ATG9A: variants seen among roughly 807,000 people sequenced by gnomAD.
ATG9A encodes autophagy related 9A, also known as autophagy-related protein 9A.
Under a neutral mutation model 87.1 loss-of-function variants are expected in ATG9A, and 21 were observed. That is an observed-to-expected ratio of 0.24 (90% confidence interval 0.17 to 0.35). The LOEUF is 0.35. Ranked by LOEUF, ATG9A falls within the 10% of genes least tolerant of loss-of-function variation. The pLI is 1.00. For synonymous variants in ATG9A, 422 were observed against 441.3 expected (o/e 0.96, Z 0.55); for missense variants, 836 against 1,107.3 (o/e 0.76, Z 3.48).
chr2:219,220,797 G>A lies in ATG9A; in HGVS notation c.2464C>T (p.Pro822Ser). The A allele has an allele frequency of 1.2e-6, 2 of 1,613,424 alleles. No individual in the cohort carries two copies. The highest frequency in any genetic ancestry group is 8.5e-7 in the Non-Finnish European group (1 of 1,179,988). ...DGQSASRHPE[P>S]VPEEGSEDEL... ...TCCTCCGAGCCCTCTTCGGGCACGG[G>A]CTCAGGGTGCCTTGATGCCGACTGC... Residue 822 changes from proline to serine, a missense_variant, in exon 15 of 16, where the codon CCC (proline) becomes TCC (serine). Coordinates refer to ENST00000361242, the MANE Select transcript of ATG9A (RefSeq NM_001077198.3).
intron 4 of ATG9A, 131 bp from the exon 5 acceptor site, chr2:219,227,064 T>A: frequency 1.3e-6 from 1 of 744,934 alleles, no homozygotes; most frequent in Non-Finnish European, 2.4e-6. Context: ...TTACTTAACC[T>A]GTCTAAACTT....
Position 219,222,387 on chromosome 2 carries a change from C to T in ATG9A, c.1912G>A (p.Asp638Asn), listed in dbSNP as rs1338907510. Reference sequence around the variant, plus strand: ...GCCCTGTGCCTGGAGCCCTGCAGGTCTCTGGGCAGTGGAGGGCCCCGGCAG... The same window carrying T: ...GCCCTGTGCCTGGAGCCCTGCAGGTTTCTGGGCAGTGGAGGGCCCCGGCAG... ...SSCRGPPLPRDLQGSRHRAEV... is the reference protein window; with the variant it reads ...SSCRGPPLPRNLQGSRHRAEV... The change falls in exon 12 of 16, where the codon GAC becomes AAC. Residue 638 changes from aspartate to asparagine, a missense_variant. This residue lies in a region of ATG9A where 324 missense variants were observed against 347.6 expected (regional missense o/e 0.93). Transcript: ENST00000361242. This position sits in a 1 kb window ranked among gnomAD's most constrained non-coding sequence, Gnocchi z 4.3. 1 of 1,605,010 alleles carries T rather than the reference C, an allele frequency of 6.2e-7. No homozygotes were observed. Among genetic ancestry groups the T allele is most frequent in the Admixed American group, 1.7e-5 (1 of 58,460 alleles).
At chr2:219,221,386 C>G in intron 13 of ATG9A, 84 bp from the exon 14 acceptor site, 1 of 1,261,898 alleles carries the variant, frequency 7.9e-7, no homozygotes, top group Non-Finnish European at 1.1e-6. Flanking sequence ...TCAGTCAGTT[C>G]CCGCTTTACC....
Position 219,222,156 on chromosome 2 carries a change from C to T in ATG9A, c.2039G>A (p.Arg680Lys). Residue 680 changes from arginine to lysine, a missense_variant, in exon 13 of 16, where the codon AGG becomes AAG. By Grantham distance (26) the Arg-to-Lys change is conservative (BLOSUM62 2). Transcript: ENST00000361242. The surrounding 1 kb of genome is among the most constrained non-coding windows in gnomAD (Gnocchi z 4.3). ...CACGCTGCTCCCGGAGCTGGCTGTC[C>T]TGGCATCCACCCTGTCTCTCCCAAC... ...STMTGSGVDA[R>K]TASSGSSVWE... The T allele has an allele frequency of 1.2e-6, 2 of 1,613,746 alleles. No individual in the cohort carries two copies. The highest frequency in any genetic ancestry group is 2.2e-5 in the South Asian group (2 of 91,048).
rs188157801 is a variant in ATG9A, at chr2:219,223,425, C to T, written c.1599+160G>A. Among the ~76,000 whole-genome samples the T allele has an allele frequency of 5.9e-5, 9 of 152,190 alleles. No individual in the cohort carries two copies. The highest frequency in any genetic ancestry group is 1.2e-4 in the Non-Finnish European group (8 of 68,018). ...TCTTAAGGGAGCTTGGCCAAGGGTG[C>T]GAATTAGGGCTGAAATCCAGCCCAG... On this transcript the variant is annotated intron_variant, in intron 10 of 15. Coordinates refer to ENST00000361242, the MANE Select transcript of ATG9A (RefSeq NM_001077198.3). This position sits in a 1 kb window ranked among gnomAD's most constrained non-coding sequence, Gnocchi z 4.7.
In ATG9A at chr2:219,220,384, A is replaced by C. The variant is rs1013640016; in HGVS notation, c.*63T>G. On this transcript the variant is annotated 3_prime_UTR_variant, in exon 16 of 16. Transcript: ENST00000361242. ...TCAGAGGAGCCGTCCCATGGCAGGC[A>C]GACGGGATGGCAGGGCAGCGGTGGC... is the stretch of plus-strand genomic sequence containing the variant. 11 of 1,594,600 alleles carry C rather than the reference A, an allele frequency of 6.9e-6. No individual in the cohort carries two copies. The African/African-American group carries it at 1.2e-4, about 18-fold the overall frequency.
In ATG9A at chr2:219,226,889, G is replaced by A. The variant is rs750805938; in HGVS notation, c.192C>T (p.Ile64=). 5.3e-5 allele frequency: 85 copies of A among 1,613,258 alleles called. No homozygotes were observed. The highest frequency in any genetic ancestry group is 6.4e-5 in the Non-Finnish European group (75 of 1,179,296). ...CTTACATGAGCTCAAAGATCTCCCC[G>A]ATGAGCATACATGTGAAGCCATTCT... The part of the protein sequence containing the change: ...HQKNGFTCML[I]GEIFELMQFL... Residue 64 remains isoleucine, a synonymous_variant, in exon 5 of 16, where the codon ATC becomes ATT. Transcript: ENST00000361242.
intron 6 of ATG9A, 37 bp from the exon 7 acceptor site, chr2:219,225,249 C>T (rs867011828): frequency 6.8e-6 from 11 of 1,612,908 alleles, no homozygotes; most frequent in Non-Finnish European, 8.5e-6. Context: ...AGGTGGCCCT[C>T]GAGGAAGGAG....
rs940883842 is a variant in ATG9A, at chr2:219,220,222, G to C, written c.*225C>G. On this transcript the variant is annotated 3_prime_UTR_variant, in exon 16 of 16. Coordinates refer to ENST00000361242, the MANE Select transcript of ATG9A (RefSeq NM_001077198.3). The stretch of plus-strand genomic sequence containing the variant: ...CACTCTGAGCCAAGGGGGTCCTGGG[G>C]ATGAGGCTAGAGTCCCGTGTGCCCT... The C allele has an allele frequency of 7.2e-6, 4 of 557,448 alleles. No homozygotes were observed. Among genetic ancestry groups the C allele is most frequent in the Non-Finnish European group, 1.3e-5 (4 of 314,700 alleles). 34.5% of individuals were successfully genotyped at this position (557,448 alleles called of 1,614,324 possible).
chr2:219,226,411 G>C (rs138532163), intron 5 of ATG9A, among the ~76,000 whole-genome samples: 3 of 152,150 alleles, frequency 2.0e-5, no homozygotes, highest in Non-Finnish European at 4.4e-5. Context: ...TTGGCCGGGC[G>C]TGGTGGCTCA....
chr2:219,226,776 T>C, intron 5 of ATG9A, 93 bp downstream of exon 5: 4 of 1,183,104 alleles, frequency 3.4e-6, no homozygotes, highest in Non-Finnish European at 5.1e-6. Flanking sequence ...TAGGACTGAG[T>C]TGTACTGGCA....
At chr2:219,228,146 G>A (rs1950905450) in intron 2 of ATG9A, 93 bp from the exon 3 acceptor site, 2 of 853,338 alleles carry the variant, frequency 2.3e-6, no homozygotes, top group South Asian at 3.4e-5. Context: ...AGTACCCTTG[G>A]GCTTTGTCCA....
intron 5 of ATG9A, 123 bp downstream of exon 5, chr2:219,226,746 A>G: frequency 1.1e-6 from 1 of 873,106 alleles, no homozygotes. Flanking sequence ...TGAACTACAA[A>G]GGTTTACGGA....
chr2:219,220,555 C>G (rs921048465), intron 15 of ATG9A, 103 bp from the exon 16 acceptor site: 11 of 1,553,762 alleles, frequency 7.1e-6, no homozygotes, highest in Non-Finnish European at 9.7e-6. Context: ...AAGGTTGATT[C>G]CTGGGGAGGT....
In ATG9A at chr2:219,225,103, A is replaced by T. The variant is rs1950835259; in HGVS notation, c.484T>A (p.Ser162Thr). 1 of 1,614,048 alleles carries T rather than the reference A, an allele frequency of 6.2e-7. No homozygotes were observed. The highest frequency in any genetic ancestry group is 1.1e-5 in the South Asian group (1 of 91,090). Residue 162 changes from serine (S) to threonine (T), a missense_variant, in exon 7 of 16, where the codon TCC becomes ACC. By Grantham distance (58) the Ser-to-Thr change is moderately conservative. This residue lies in a region of ATG9A where 512 missense variants were observed against 759.6 expected (regional missense o/e 0.67). Transcript: ENST00000361242. Reference sequence around the variant, plus strand: ...ATGCGCAGAGCGTGCAGGTAGAAGGAGTGGATCTCCCAGTAGCAGCAAATG... The same window carrying T: ...ATGCGCAGAGCGTGCAGGTAGAAGGTGTGGATCTCCCAGTAGCAGCAAATG... ...YNICCYWEIH[S>T]FYLHALRIPM...
Position 219,224,143 on chromosome 2 carries a change from T to C in ATG9A, c.1228A>G (p.Thr410Ala). 6.2e-7 allele frequency: 1 copy of C among 1,613,706 alleles called. No homozygotes were observed. The highest frequency in any genetic ancestry group is 1.1e-5 in the South Asian group (1 of 91,074). Reference sequence around the variant, plus strand: ...ACGGTGACCCCCAGGAGTGTGACGGTGGTCAGCACATGTTCCACAGCCAAC... The same window carrying C: ...ACGGTGACCCCCAGGAGTGTGACGGCGGTCAGCACATGTTCCACAGCCAAC... ...DVLAVEHVLT[T>A]VTLLGVTVTV... The change falls in exon 8 of 16, where the codon ACC becomes GCC. Residue 410 changes from threonine to alanine, a missense_variant. By Grantham distance (58) the Thr-to-Ala change is moderately conservative (BLOSUM62 0). Around this residue, in one of 2 missense-constraint regions of ATG9A, gnomAD observed 512 missense variants for 759.6 expected, o/e 0.67. Transcript: ENST00000361242. This position sits in a 1 kb window ranked among gnomAD's most constrained non-coding sequence, Gnocchi z 7.7.
Position 219,223,517 on chromosome 2 carries a change from G to T in ATG9A, c.1599+68C>A. ...TGACTCAGGAGAGGTGTCTTTTTGC[G>T]GTTTTCCCAAAGACACTGTATGTTC... On this transcript the variant is annotated intron_variant, in intron 10 of 15. Coordinates refer to ENST00000361242, the MANE Select transcript of ATG9A (RefSeq NM_001077198.3). The surrounding 1 kb of genome is among the most constrained non-coding windows in gnomAD (Gnocchi z 4.7). 6.7e-7 allele frequency: 1 copy of T among 1,493,846 alleles called. No homozygotes were observed. The highest frequency in any genetic ancestry group is 1.4e-5 in the African/African-American group (1 of 71,246). The allele number at this position is 1,493,846 out of a possible 1,614,324, so 92.5% of individuals were successfully genotyped here.
At position 219,224,060 on chromosome 2, in the gene ATG9A, C is replaced by T. The variant is rs1574829997; in HGVS notation, c.1266-38G>A. The T allele has an allele frequency of 1.2e-6, 2 of 1,605,396 alleles. No individual in the cohort carries two copies. ...GGATCATGGTGAGATGTATGCCTTT[C>T]CCAGGAATGCTAGCCGGCTTGCTCC... On this transcript the variant is annotated intron_variant, in intron 8 of 15. Coordinates refer to ENST00000361242, the MANE Select transcript of ATG9A (RefSeq NM_001077198.3). This position sits in a 1 kb window ranked among gnomAD's most constrained non-coding sequence, Gnocchi z 7.7.
chr2:219,228,325 G>A (rs1011129597), intron 2 of ATG9A, 109 bp downstream of exon 2: 3 of 379,160 alleles, frequency 7.9e-6, no homozygotes, highest in East Asian at 4.5e-5. Context: ...TCTATTTAAC[G>A]GACAGAAGAG....
Sources: allele counts gnomAD v4.1 joint callset (sites outside exome capture counted in the v4.1 genomes callset), GRCh38; gene constraint gnomAD v4.1.1; regional missense constraint gnomAD v4.1.1; non-coding constraint Gnocchi (gnomAD v3.1); transcripts MANE v1.5; gene names NCBI Gene and HGNC (gene_info 2026-07-23, HGNC 2026-07-21).